Variants in TRDN observed in about 807,000 individuals in gnomAD.
TRDN encodes the protein triadin in skeletal muscle.
TRDN carries 161 observed loss-of-function variants against 149.7 expected under a neutral mutation model. The ratio of observed to expected loss-of-function variants is 1.08; its 90% CI spans 0.95 to 1.23. The LOEUF is 1.23. TRDN is among the 50% of genes most tolerant of loss of function. TRDN has a pLI of 0.00. For synonymous variants in TRDN, 294 were observed against 250.5 expected (o/e 1.17, Z -1.64); for missense variants, 896 against 823.5 (o/e 1.09, Z -1.08).
chr6:123,627,195 C>T (rs1004197536), intron 1 of TRDN, among the ~76,000 whole-genome samples: 1 of 152,008 alleles, frequency 6.6e-6, no homozygotes. Context: ...CTCCAAATTG[C>T]TGGGATTATA....
intron 38 of TRDN, among the ~76,000 whole-genome samples, chr6:123,226,130 A>G (rs9482367): frequency 0.035 from 5,338 of 151,906 alleles, 324 homozygotes; most frequent in African/African-American, 0.12. Flanking sequence ...TGATCTGGTC[A>G]GTTGTAAATA....
intron 24 of TRDN, among the ~76,000 whole-genome samples, chr6:123,313,813 G>A (rs992540993): frequency 6.6e-5 from 10 of 151,956 alleles, no homozygotes; most frequent in African/African-American, 2.2e-4. Context: ...AATTGAAACT[G>A]GACCCCTTCT....
chr6:123,622,648 T>C (rs921490112), intron 1 of TRDN, among the ~76,000 whole-genome samples: 1 of 152,160 alleles, frequency 6.6e-6, no homozygotes, highest in Non-Finnish European at 1.5e-5. Context: ...GGCTGTTCTC[T>C]TGAAAACTAA....
intron 2 of TRDN, among the ~76,000 whole-genome samples, chr6:123,567,513 C>A (rs894500854): frequency 4.0e-5 from 6 of 151,780 alleles, no homozygotes; most frequent in Admixed American, 3.9e-4. Flanking sequence ...AAGCATGGTG[C>A]TGGCATCTAC....
At chr6:123,610,431 T>G (rs1311255850) in intron 1 of TRDN, among the ~76,000 whole-genome samples, 5 of 152,174 alleles carry the variant, frequency 3.3e-5, no homozygotes, top group African/African-American at 1.2e-4. Context: ...TCGCTATGTG[T>G]TCATTCACTC....
At position 123,393,674 on chromosome 6, in the gene TRDN, G is replaced by A. The variant is rs754708708; in HGVS notation, c.1055C>T (p.Pro352Leu). The change falls in exon 13 of 41, where the codon CCG (proline) becomes CTG (leucine). Residue 352 changes from proline to leucine, a missense_variant. Coordinates refer to ENST00000334268, the MANE Select transcript of TRDN (RefSeq NM_006073.4). ...ETAIDVEKKE[P>L]GKASETKQGT... ...TTGTTTGGTTTCAGAAGCTTTTCCCGGCTCTTGGAATGAAAAAAACATAAA... is the reference window on the plus strand; with the variant it reads ...TTGTTTGGTTTCAGAAGCTTTTCCCAGCTCTTGGAATGAAAAAAACATAAA... 85 of 1,604,140 alleles carry A rather than the reference G, an allele frequency of 5.3e-5. No homozygotes were observed. The highest frequency in any genetic ancestry group is 2.0e-4 in the East Asian group (9 of 44,718).
At position 123,337,241 on chromosome 6, in the gene TRDN, G is replaced by C. The variant is rs74916691; in HGVS notation, c.1420+378C>G. Among the ~76,000 whole-genome samples the C allele has an allele frequency of 6.0e-3, 916 of 152,052 alleles. 4 individuals are homozygous for C. Among genetic ancestry groups the C allele is most frequent in the Non-Finnish European group, 9.7e-3 (661 of 67,946 alleles). The stretch of plus-strand genomic sequence containing the variant: ...TCATCATCTCCAATGTTTACCAAGT[G>C]CTTGGGATATATTATGCACTAAATA... On this transcript the variant is annotated intron_variant, in intron 22 of 40. Coordinates refer to ENST00000334268, the MANE Select transcript of TRDN (RefSeq NM_006073.4).
intron 8 of TRDN, chr6:123,498,607 A>G (rs1778547335): frequency 2.1e-6 from 1 of 470,858 alleles, no homozygotes; most frequent in Admixed American, 2.3e-5. Context: ...ATGTACTGGC[A>G]GTAATAGCTG....
At chr6:123,414,196 A>G (rs1773556250) in intron 12 of TRDN, among the ~76,000 whole-genome samples, 1 of 152,142 alleles carries the variant, frequency 6.6e-6, no homozygotes, top group Non-Finnish European at 1.5e-5. Context: ...GTTCCAATTA[A>G]TAATACTTTC....
intron 5 of TRDN, chr6:123,529,382 A>G (rs1182901665): frequency 1.9e-6 from 3 of 1,538,684 alleles, no homozygotes; most frequent in Middle Eastern, 1.7e-4. Flanking sequence ...ATAGGTTTCA[A>G]CTGAGTGAGC....
In TRDN at chr6:123,617,596, C is replaced by T. The variant is rs923728869; in HGVS notation, c.22+19158G>A. 3.3e-5 allele frequency among the ~76,000 whole-genome samples: 5 copies of T among 152,010 alleles called. 1 individual carries two copies. Among genetic ancestry groups the T allele is most frequent in the Admixed American group, 2.0e-4 (3 of 15,250 alleles). On this transcript the variant is annotated intron_variant, in intron 1 of 40. Coordinates refer to ENST00000334268, the MANE Select transcript of TRDN (RefSeq NM_006073.4). ...TTGCTACAGAAAGAATAATCTTGTT[C>T]GTCAATGTATCATTAGTTGTCACAA...
At chr6:123,547,717 T>C (rs1781184777) in intron 3 of TRDN, among the ~76,000 whole-genome samples, 1 of 152,036 alleles carries the variant, frequency 6.6e-6, no homozygotes, top group African/African-American at 2.4e-5. Flanking sequence ...AAAAATACTC[T>C]AATAATAAAA....
intron 1 of TRDN, among the ~76,000 whole-genome samples, chr6:123,615,920 G>T (rs1016136080): frequency 6.6e-6 from 1 of 152,032 alleles, no homozygotes; most frequent in Non-Finnish European, 1.5e-5. Flanking sequence ...CCAACAAAAA[G>T]AAATGATAAA....
At chr6:123,221,579 A>G in intron 39 of TRDN, 57 bp from the exon 40 acceptor site, 1 of 1,179,698 alleles carries the variant, frequency 8.5e-7, no homozygotes, top group South Asian at 1.4e-5. Context: ...TTTTATATAA[A>G]TATATATGGG....
At chr6:123,403,988 T>G (rs1255226855) in intron 12 of TRDN, among the ~76,000 whole-genome samples, 3 of 152,204 alleles carry the variant, frequency 2.0e-5, no homozygotes, top group African/African-American at 4.8e-5. Flanking sequence ...GGATACTACA[T>G]GTTATTGGTG....
chr6:123,269,492 C>T (rs1268213100), intron 31 of TRDN, among the ~76,000 whole-genome samples: 1 of 151,880 alleles, frequency 6.6e-6, no homozygotes, highest in East Asian at 1.9e-4. Flanking sequence ...CCTTAACTTA[C>T]TGTGAGTGGT....
At chr6:123,574,853 T>TATAC (rs1198381205) in intron 1 of TRDN, among the ~76,000 whole-genome samples, 15 of 35,208 alleles carry the variant, frequency 4.3e-4, no homozygotes, top group Non-Finnish European at 8.4e-4. Context: ...TGAATTTATA[T>TATAC]ATACATATAT....
chr6:123,382,391 A>C (rs1781755490), intron 14 of TRDN, among the ~76,000 whole-genome samples: 1 of 151,410 alleles, frequency 6.6e-6, no homozygotes, highest in African/African-American at 2.4e-5. Context: ...AAAGAATATA[A>C]AACATTGAAA....
intron 1 of TRDN, among the ~76,000 whole-genome samples, chr6:123,621,183 A>G (rs1353270197): frequency 6.6e-6 from 1 of 152,118 alleles, no homozygotes; most frequent in Admixed American, 6.6e-5. Context: ...CTATACGGTG[A>G]GGATTACTAT....
Sources: allele counts gnomAD v4.1 joint callset (sites outside exome capture counted in the v4.1 genomes callset), GRCh38; gene constraint gnomAD v4.1.1; transcripts MANE v1.5; gene names NCBI Gene and HGNC (gene_info 2026-07-23, HGNC 2026-07-21).